SCHIP1: variants seen among roughly 807,000 people sequenced by gnomAD.
SCHIP1 encodes schwannomin interacting protein 1, also known as schwannomin-interacting protein 1.
A neutral mutation model predicts 29.7 loss-of-function variants in SCHIP1; 8 were observed. The observed-to-expected ratio is 0.27, with a 90% CI of 0.16 to 0.49. SCHIP1 has a LOEUF of 0.49. SCHIP1 is among the 20% of genes least tolerant of loss of function. The pLI, the probability that SCHIP1 is intolerant of heterozygous loss-of-function variation, is 0.99. For missense variants in SCHIP1, 193 were observed against 294.6 expected (o/e 0.66, Z 2.52); for synonymous variants, 76 against 94.9 (o/e 0.80, Z 1.16).
At chr3:159,684,440 T>G in the SCHIP1 span, among the ~76,000 whole-genome samples, 1 of 152,218 alleles carries the variant, frequency 6.6e-6, no homozygotes, top group East Asian at 1.9e-4. Context: ...TAATACTTTC[T>G]TCTTTCAGTG....
chr3:159,821,869 G>A, the SCHIP1 span, among the ~76,000 whole-genome samples: 3 of 152,188 alleles, frequency 2.0e-5, no homozygotes, highest in Non-Finnish European at 4.4e-5. Flanking sequence ...ACACAGCACT[G>A]TGATACTGCG....
the SCHIP1 span, among the ~76,000 whole-genome samples, chr3:159,650,182 A>G: frequency 2.0e-5 from 3 of 152,300 alleles, no homozygotes; most frequent in South Asian, 4.1e-4. Flanking sequence ...TTCTCCCTGG[A>G]GCATGAGAGA....
the SCHIP1 span, among the ~76,000 whole-genome samples, chr3:159,334,350 T>G: frequency 6.6e-6 from 1 of 152,182 alleles, no homozygotes; most frequent in African/African-American, 2.4e-5. Context: ...TGGTTTGATA[T>G]GCACATCATA....
the SCHIP1 span, among the ~76,000 whole-genome samples, chr3:159,280,293 T>A: frequency 6.6e-6 from 1 of 152,210 alleles, no homozygotes; most frequent in Non-Finnish European, 1.5e-5. Context: ...TCCTGGAATG[T>A]GTGTTTCCAC....
At chr3:159,826,827 G>A in the SCHIP1 span, among the ~76,000 whole-genome samples, 1 of 152,314 alleles carries the variant, frequency 6.6e-6, no homozygotes, top group African/African-American at 2.4e-5. Flanking sequence ...GACTCTCTTT[G>A]CTATTCACCA....
chr3:159,748,938 G>C, the SCHIP1 span, among the ~76,000 whole-genome samples: 1 of 152,132 alleles, frequency 6.6e-6, no homozygotes, highest in African/African-American at 2.4e-5. Context: ...CAATGAAAAT[G>C]ATTAAGAATA....
the SCHIP1 span, among the ~76,000 whole-genome samples, chr3:159,351,540 C>G: frequency 6.6e-6 from 1 of 152,086 alleles, no homozygotes; most frequent in East Asian, 1.9e-4. Context: ...TGCTACCAGT[C>G]TTTTTATTTT....
At chr3:159,575,842 T>G in the SCHIP1 span, among the ~76,000 whole-genome samples, 1 of 152,196 alleles carries the variant, frequency 6.6e-6, no homozygotes, top group Non-Finnish European at 1.5e-5. Flanking sequence ...CACTTTGATT[T>G]CCGATATTTT....
chr3:159,485,027 A>G, the SCHIP1 span, among the ~76,000 whole-genome samples: 1 of 152,154 alleles, frequency 6.6e-6, no homozygotes, highest in Non-Finnish European at 1.5e-5. Context: ...GACCTTGAGG[A>G]ACAGAACAAG....
chr3:159,434,389 C>T, the SCHIP1 span, among the ~76,000 whole-genome samples: 1 of 152,016 alleles, frequency 6.6e-6, no homozygotes, highest in Non-Finnish European at 1.5e-5. Context: ...GAAAACCCAA[C>T]TAATAGTGAC....
the SCHIP1 span, among the ~76,000 whole-genome samples, chr3:159,572,560 G>A: frequency 6.6e-6 from 1 of 152,190 alleles, no homozygotes; most frequent in African/African-American, 2.4e-5. Context: ...TTTAGAATAA[G>A]TGTGATGTGG....
At chr3:159,326,983 A>G in the SCHIP1 span, among the ~76,000 whole-genome samples, 5 of 152,242 alleles carry the variant, frequency 3.3e-5, no homozygotes, top group South Asian at 4.1e-4. Context: ...AAAACTGGCA[A>G]TAGATAGGAT....
chr3:159,626,059 G>A, the SCHIP1 span, among the ~76,000 whole-genome samples: 1 of 149,920 alleles, frequency 6.7e-6, no homozygotes, highest in African/African-American at 2.5e-5. Flanking sequence ...AACTAAGACT[G>A]AAGGCTTCCC....
the SCHIP1 span, among the ~76,000 whole-genome samples, chr3:159,566,587 A>G: frequency 6.6e-6 from 1 of 152,216 alleles, no homozygotes; most frequent in African/African-American, 2.4e-5. Context: ...ATGACAGTTG[A>G]CATTCAAGTA....
the SCHIP1 span, among the ~76,000 whole-genome samples, chr3:159,371,722 C>T: frequency 2.6e-5 from 4 of 152,150 alleles, no homozygotes; most frequent in Non-Finnish European, 5.9e-5. Context: ...AGCCTATGCA[C>T]ATCCTCCCAT....
the SCHIP1 span, among the ~76,000 whole-genome samples, chr3:159,479,078 A>G: frequency 6.6e-6 from 1 of 152,100 alleles, no homozygotes; most frequent in African/African-American, 2.4e-5. Context: ...TTTTTTAAAT[A>G]TTTACAAAGG....
At chr3:159,338,485 T>C in the SCHIP1 span, among the ~76,000 whole-genome samples, 4 of 152,130 alleles carry the variant, frequency 2.6e-5, no homozygotes, top group African/African-American at 9.7e-5. Flanking sequence ...TATGACTATA[T>C]TGTGTAGAAC....
chr3:159,422,809 T>C, the SCHIP1 span, among the ~76,000 whole-genome samples: 1 of 152,218 alleles, frequency 6.6e-6, no homozygotes, highest in African/African-American at 2.4e-5. Context: ...CAGTATTCCA[T>C]TGTGTGGGTA....
chr3:159,782,274 A>G, the SCHIP1 span, among the ~76,000 whole-genome samples: 2 of 152,238 alleles, frequency 1.3e-5, no homozygotes, highest in Non-Finnish European at 2.9e-5. Context: ...TATTCATCCC[A>G]TTTTATAGAC....
Sources: allele counts gnomAD v4.1 joint callset (sites outside exome capture counted in the v4.1 genomes callset), GRCh38; gene constraint gnomAD v4.1.1; transcripts MANE v1.5; gene names NCBI Gene and HGNC (gene_info 2026-07-23, HGNC 2026-07-21).